The following MYO1H variants were observed in gnomAD, a reference collection of about 807,000 sequenced individuals.
MYO1H encodes unconventional myosin-Ih.
Under a neutral mutation model 149.3 loss-of-function variants are expected in MYO1H, and 118 were observed. That is an observed-to-expected ratio of 0.79 (90% CI 0.68 to 0.92). The LOEUF (loss-of-function observed/expected upper bound fraction) is 0.92, where lower values mean the gene tolerates loss of function less well. Ranked by LOEUF, MYO1H falls within the 40% of genes least tolerant of loss-of-function variation. MYO1H has a pLI of 0.00. For synonymous variants in MYO1H, 447 were observed against 465.2 expected, an observed-to-expected ratio of 0.96 and a Z score of 0.50; for missense variants, 1,212 against 1,280.7, an observed-to-expected ratio of 0.95 and a Z score of 0.82.
intron 1 of MYO1H, among the ~76,000 whole-genome samples, chr12:109,382,597 T>C (rs893158510): frequency 9.9e-5 from 15 of 152,112 alleles, no homozygotes; most frequent in African/African-American, 3.4e-4. Flanking sequence ...TGTGATTACA[T>C]ATAGGTATAT....
At chr12:109,357,036 C>CT in intron 1 of MYO1H, 1 of 152,166 alleles carries the variant, frequency 6.6e-6, no homozygotes, top group Non-Finnish European at 1.5e-5. Flanking sequence ...TTATTCCAAA[C>CT]TGGGGACAGC....
chr12:109,398,741 C>CAAAAA (rs35031072), intron 5 of MYO1H, among the ~76,000 whole-genome samples: 6 of 51,994 alleles, frequency 1.2e-4, no homozygotes, highest in East Asian at 1.0e-3. Context: ...AACTTCCTCT[C>CAAAAA]AAAAAAAAAA....
the MYO1H span, among the ~76,000 whole-genome samples, chr12:109,332,029 T>TG: frequency 0.015 from 2,334 of 152,234 alleles, 60 homozygotes; most frequent in African/African-American, 0.053. Context: ...ATCTATCTCA[T>TG]GGGGTGTCGT....
chr12:109,398,295 A>G (rs1019128078), intron 5 of MYO1H, among the ~76,000 whole-genome samples: 2 of 152,244 alleles, frequency 1.3e-5, no homozygotes, highest in African/African-American at 4.8e-5. Context: ...GAGAACTGAA[A>G]TGTCCATCGA....
At chr12:109,431,516 C>A (rs528545713) in intron 19 of MYO1H, among the ~76,000 whole-genome samples, 1 of 152,274 alleles carries the variant, frequency 6.6e-6, no homozygotes, top group African/African-American at 2.4e-5. Flanking sequence ...CTCATGAGAA[C>A]CCCATGAGGA....
chr12:109,321,728 C>G, the MYO1H span, among the ~76,000 whole-genome samples: 1 of 152,110 alleles, frequency 6.6e-6, no homozygotes, highest in Non-Finnish European at 1.5e-5. Context: ...AATTAAACAA[C>G]AGAATACCAC....
intron 5 of MYO1H, among the ~76,000 whole-genome samples, chr12:109,399,256 T>C (rs1192051088): frequency 6.6e-6 from 1 of 152,182 alleles, no homozygotes; most frequent in Non-Finnish European, 1.5e-5. Context: ...TCTACGTATG[T>C]GTCCACCTCT....
chr12:109,441,125 C>T (rs1196394282), intron 25 of MYO1H, among the ~76,000 whole-genome samples: 1 of 152,190 alleles, frequency 6.6e-6, no homozygotes, highest in Non-Finnish European at 1.5e-5. Flanking sequence ...TGTTTTTCAC[C>T]GTGCTAACCT....
At chr12:109,445,601 C>A in exon 31 of MYO1H, 1 of 1,611,850 alleles carries the variant, frequency 6.2e-7, no homozygotes, top group South Asian at 1.1e-5. Flanking sequence ...TAAAAATGGA[C>A]AATTAACAGT....
intron 1 of MYO1H, among the ~76,000 whole-genome samples, chr12:109,359,862 A>G (rs967674766): frequency 6.6e-6 from 1 of 152,248 alleles, no homozygotes; most frequent in African/African-American, 2.4e-5. Context: ...GATGGCAGCC[A>G]TGAAACGCAG....
chr12:109,409,882 A>G, intron 11 of MYO1H, 81 bp from the exon 12 acceptor site: 2 of 810,860 alleles, frequency 2.5e-6, no homozygotes, highest in South Asian at 4.2e-5. Context: ...ATTAAAAAGT[A>G]TGCCTAAAAA....
At chr12:109,432,989 C>G (rs1871706200) in exon 20 of MYO1H, 2 of 1,613,868 alleles carry the variant, frequency 1.2e-6, no homozygotes, top group Admixed American at 1.7e-5. Flanking sequence ...GGCTACAAAC[C>G]CGAGGAATAC....
At chr12:109,424,721 G>A (rs763574397) in intron 16 of MYO1H, 27 bp from the exon 17 acceptor site, 15 of 1,589,036 alleles carry the variant, frequency 9.4e-6, no homozygotes, top group Admixed American at 6.7e-5. Context: ...AACAGCGAAC[G>A]TGGTACTCAT....
intron 19 of MYO1H, 91 bp from the exon 20 acceptor site, chr12:109,432,806 C>A: frequency 1.0e-6 from 1 of 1,000,330 alleles, no homozygotes; most frequent in Non-Finnish European, 1.6e-6. Flanking sequence ...CATGCCACAG[C>A]AGTGCTCAGC....
At chr12:109,325,520 A>G in the MYO1H span, among the ~76,000 whole-genome samples, 366 of 152,380 alleles carry the variant, frequency 2.4e-3, 4 homozygotes, top group Middle Eastern at 0.01. Context: ...GGACATACGC[A>G]TAGGCAAAGA....
At chr12:109,385,143 T>C (rs959126735) in intron 1 of MYO1H, among the ~76,000 whole-genome samples, 1 of 152,266 alleles carries the variant, frequency 6.6e-6, no homozygotes, top group Admixed American at 6.5e-5. Context: ...GACTTGGGAC[T>C]CTCCCAAGAT....
chr12:109,402,996 A>T (rs1282026651), intron 6 of MYO1H, among the ~76,000 whole-genome samples: 1 of 152,148 alleles, frequency 6.6e-6, no homozygotes, highest in Non-Finnish European at 1.5e-5. Flanking sequence ...GCAATTTGCC[A>T]CTATTATTTT....
chr12:109,431,111 G>A (rs905689241), intron 19 of MYO1H, among the ~76,000 whole-genome samples: 73 of 147,172 alleles, frequency 5.0e-4, no homozygotes, highest in African/African-American at 1.7e-3. Context: ...CAGGCACGGT[G>A]GCTCACACCT....
intron 10 of MYO1H, among the ~76,000 whole-genome samples, chr12:109,409,246 C>CTTTTTTT (rs66507410): frequency 1.9e-3 from 91 of 47,862 alleles, no homozygotes; most frequent in Non-Finnish European, 2.4e-3. Flanking sequence ...TCTTCTTCTT[C>CTTTTTTT]TTTTTTTTTT....
Sources: gnomAD v4.1 joint callset for allele counts (sites outside exome capture counted in the v4.1 genomes callset) on GRCh38, gnomAD v4.1.1 for gene constraint, MANE v1.5 for transcripts, NCBI Gene and HGNC (gene_info 2026-07-23, HGNC 2026-07-21) for gene names.